Variants in GRID1 observed in about 807,000 individuals in gnomAD.
GRID1 encodes glutamate receptor ionotropic, delta-1.
In GRID1, 28 loss-of-function variants were observed where a neutral mutation model predicts 98.0. That is an observed-to-expected ratio of 0.29 (90% CI 0.21 to 0.39). The LOEUF (loss-of-function observed/expected upper bound fraction) is 0.39. Among genes scored for constraint, GRID1 ranks in the 10% least tolerant of loss-of-function variants. The probability of loss-of-function intolerance (pLI) is 1.00; values close to 1 mark genes in which losing one functional copy is unlikely to be tolerated. For missense variants in GRID1, 1,111 were observed against 1,340.5 expected (o/e 0.83, Z 2.67); for synonymous variants, 553 against 538.5 (o/e 1.03, Z -0.37).
At chr10:85,843,398 C>T (rs1017840063) in intron 8 of GRID1, among the ~76,000 whole-genome samples, 1 of 151,972 alleles carries the variant, frequency 6.6e-6, no homozygotes, top group Non-Finnish European at 1.5e-5. Flanking sequence ...TTAGACTTGA[C>T]ACCAAAATCA....
At chr10:86,011,140 G>T (rs772925839) in intron 4 of GRID1, among the ~76,000 whole-genome samples, 1 of 152,116 alleles carries the variant, frequency 6.6e-6, no homozygotes, top group Non-Finnish European at 1.5e-5. Flanking sequence ...AGTAAGGAGA[G>T]AAATCTGGGG....
intron 12 of GRID1, among the ~76,000 whole-genome samples, chr10:85,660,335 T>C (rs1840951048): frequency 6.6e-6 from 1 of 152,230 alleles, no homozygotes; most frequent in African/African-American, 2.4e-5. Context: ...AGGATAACTC[T>C]GCCAGTATTC....
intron 3 of GRID1, among the ~76,000 whole-genome samples, chr10:86,165,152 A>G (rs1015488481): frequency 2.9e-4 from 44 of 152,168 alleles, no homozygotes; most frequent in African/African-American, 1.1e-3. Context: ...ATAGAGGAAA[A>G]AAAAAATCTG....
At chr10:85,671,959 G>A (rs1400127560) in intron 12 of GRID1, among the ~76,000 whole-genome samples, 1 of 152,216 alleles carries the variant, frequency 6.6e-6, no homozygotes, top group Admixed American at 6.5e-5. Context: ...TGAGAGAGGT[G>A]AGGAAACTGT....
chr10:86,191,720 G>T (rs1589404960), intron 3 of GRID1, among the ~76,000 whole-genome samples: 1 of 152,112 alleles, frequency 6.6e-6, no homozygotes, highest in East Asian at 1.9e-4. Flanking sequence ...ATGGCTCCAG[G>T]ACCATCTCTC....
intron 4 of GRID1, among the ~76,000 whole-genome samples, chr10:86,007,909 G>A (rs1405209352): frequency 2.0e-5 from 3 of 151,708 alleles, no homozygotes; most frequent in African/African-American, 4.9e-5. Flanking sequence ...ATGGCTCCAG[G>A]ACATGTCCCT....
intron 12 of GRID1, among the ~76,000 whole-genome samples, chr10:85,713,700 A>T (rs1185736951): frequency 2.0e-5 from 3 of 151,798 alleles, no homozygotes; most frequent in African/African-American, 4.8e-5. Flanking sequence ...GGCTTAACAT[A>T]CAAAAATCAA....
chr10:85,855,966 C>T, intron 7 of GRID1, 63 bp downstream of exon 7: 1 of 1,478,214 alleles, frequency 6.8e-7, no homozygotes, highest in South Asian at 1.2e-5. Context: ...TAGAGGGGAA[C>T]ACAGTGGAGG....
rs117961640 is a variant in GRID1, at chr10:85,985,938, T to G, written c.727-69699A>C. On this transcript the variant is annotated intron_variant, in intron 4 of 15. Transcript: ENST00000327946. ...CAAATTTGGAATATGTGGTTTCATC[T>G]CTCAGAACATGAATTCACTCCTCCA... Among the ~76,000 whole-genome samples the G allele has an allele frequency of 1.9e-3, 282 of 152,310 alleles. 9 individuals are homozygous for G. The East Asian group carries it at 0.049, about 27-fold the overall frequency.
intron 4 of GRID1, among the ~76,000 whole-genome samples, chr10:86,010,493 A>G: frequency 6.6e-6 from 1 of 152,182 alleles, no homozygotes; most frequent in East Asian, 1.9e-4. Flanking sequence ...GATTCCAGAA[A>G]GTAAAGTTTA....
At chr10:86,001,004 C>T (rs1436359425) in intron 4 of GRID1, among the ~76,000 whole-genome samples, 1 of 152,074 alleles carries the variant, frequency 6.6e-6, no homozygotes, top group African/African-American at 2.4e-5. Flanking sequence ...AAATACTACT[C>T]TGCAATTTTT....
intron 4 of GRID1, among the ~76,000 whole-genome samples, chr10:85,954,217 T>C (rs1325665988): frequency 6.6e-6 from 1 of 152,176 alleles, no homozygotes; most frequent in South Asian, 2.1e-4. Flanking sequence ...AGTACCTGGA[T>C]AGCACTCAGG....
intron 4 of GRID1, among the ~76,000 whole-genome samples, chr10:86,080,570 T>C (rs1158770851): frequency 6.6e-6 from 1 of 150,900 alleles, no homozygotes; most frequent in African/African-American, 2.4e-5. Context: ...AGCCCAGGGT[T>C]TTTCACCACT....
At position 86,162,973 on chromosome 10, in the gene GRID1, G is replaced by A. The variant is rs1845343703; in HGVS notation, c.521-23949C>T. ...GGAGCCTTCTGAAAGCCAGTGTCAG[G>A]GGGTTGTTGAGTTGGAGAGGCCTGT... is the stretch of plus-strand genomic sequence containing the variant. On this transcript the variant is annotated intron_variant, in intron 3 of 15. Transcript: ENST00000327946. Among the ~76,000 whole-genome samples, 3 of 152,308 alleles carry A rather than the reference G, an allele frequency of 2.0e-5. No individual in the cohort carries two copies. The South Asian group carries it at 6.2e-4, about 32-fold the overall frequency.
At chr10:86,351,497 A>T (rs1848461497) in intron 2 of GRID1, among the ~76,000 whole-genome samples, 1 of 152,228 alleles carries the variant, frequency 6.6e-6, no homozygotes, top group East Asian at 1.9e-4. Flanking sequence ...TGGGAAAGAC[A>T]GCCAGCCCTC....
chr10:85,895,351 A>C (rs1356129355), intron 5 of GRID1, among the ~76,000 whole-genome samples: 1 of 152,038 alleles, frequency 6.6e-6, no homozygotes, highest in African/African-American at 2.4e-5. Context: ...TGGTCCTTCA[A>C]AAACATAATT....
chr10:85,894,396 A>G (rs1046819811), intron 5 of GRID1, among the ~76,000 whole-genome samples: 4 of 152,206 alleles, frequency 2.6e-5, no homozygotes, highest in African/African-American at 9.6e-5. Flanking sequence ...AAAAGAGTAT[A>G]ATACAGGTAT....
intron 2 of GRID1, among the ~76,000 whole-genome samples, chr10:86,359,937 G>A (rs1380762796): frequency 6.6e-6 from 1 of 152,174 alleles, no homozygotes; most frequent in African/African-American, 2.4e-5. Flanking sequence ...TGTCCTTTCT[G>A]TGTTATTTGC....
At chr10:86,117,953 G>GT (rs1261477503) in intron 4 of GRID1, among the ~76,000 whole-genome samples, 1 of 152,146 alleles carries the variant, frequency 6.6e-6, no homozygotes, top group Non-Finnish European at 1.5e-5. Context: ...CCACTACTAA[G>GT]TATCTACCCA....
Sources: allele counts gnomAD v4.1 joint callset (sites outside exome capture counted in the v4.1 genomes callset), GRCh38; gene constraint gnomAD v4.1.1; transcripts MANE v1.5; gene names NCBI Gene and HGNC (gene_info 2026-07-23, HGNC 2026-07-21).